ANAPC10: variants seen among roughly 807,000 people sequenced by gnomAD.
ANAPC10 encodes anaphase-promoting complex subunit 10.
ANAPC10 carries 12 observed loss-of-function variants against 22.0 expected under a neutral mutation model. The observed-to-expected ratio is 0.55, with a 90% CI of 0.35 to 0.88. ANAPC10 has a LOEUF of 0.88. Among genes scored for constraint, ANAPC10 ranks in the 40% least tolerant of loss-of-function variants. ANAPC10 has a pLI of 0.01. For missense variants in ANAPC10, 188 were observed against 220.9 expected (o/e 0.85, Z 0.94); for synonymous variants, 65 against 69.5 (o/e 0.94, Z 0.32).
At chr4:144,999,010 A>G (rs1732079997) in intron 4 of ANAPC10, among the ~76,000 whole-genome samples, 1 of 152,186 alleles carries the variant, frequency 6.6e-6, no homozygotes, top group Non-Finnish European at 1.5e-5. Flanking sequence ...AAACTAGAAA[A>G]TCTACAAGAA....
At chr4:145,007,957 AAAGAG>A (rs1733681754) in intron 4 of ANAPC10, among the ~76,000 whole-genome samples, 1 of 152,198 alleles carries the variant, frequency 6.6e-6, no homozygotes, top group African/African-American at 2.4e-5. Flanking sequence ...ATAAAGAAGA[AAAGAG>A]AAAAGAATCA....
intron 3 of ANAPC10, among the ~76,000 whole-genome samples, chr4:145,077,887 C>T (rs1161301689): frequency 1.3e-5 from 2 of 152,002 alleles, no homozygotes; most frequent in Non-Finnish European, 2.9e-5. Flanking sequence ...ATAATAAGGG[C>T]CATCTATGAC....
intron 4 of ANAPC10, among the ~76,000 whole-genome samples, chr4:145,025,919 C>T (rs568838742): frequency 2.0e-5 from 3 of 152,130 alleles, no homozygotes; most frequent in African/African-American, 7.2e-5. Context: ...GGTTTCCTTT[C>T]CCACTCTTAT....
At chr4:145,026,427 A>G (rs1376070262) in intron 4 of ANAPC10, among the ~76,000 whole-genome samples, 1 of 152,196 alleles carries the variant, frequency 6.6e-6, no homozygotes, top group Non-Finnish European at 1.5e-5. Flanking sequence ...GGAAAAAAAC[A>G]GAGCAGGAAA....
intron 4 of ANAPC10, among the ~76,000 whole-genome samples, chr4:145,004,453 A>G (rs1226659992): frequency 6.6e-6 from 1 of 152,162 alleles, no homozygotes; most frequent in Non-Finnish European, 1.5e-5. Context: ...GCTTTTGCCC[A>G]TTCAGTATGA....
At chr4:145,096,373 C>T (rs1297136402) in intron 1 of ANAPC10, among the ~76,000 whole-genome samples, 3 of 152,028 alleles carry the variant, frequency 2.0e-5, no homozygotes, top group Non-Finnish European at 4.4e-5. Context: ...GCCTGGACAA[C>T]ATGGCAAGAC....
chr4:144,995,699 T>G, intron 4 of ANAPC10, 96 bp from the exon 5 acceptor site: 1 of 849,896 alleles, frequency 1.2e-6, no homozygotes, highest in Non-Finnish European at 1.8e-6. Flanking sequence ...ATAATTAACA[T>G]TTTGCTCAAC....
At chr4:145,054,632 TGTGTGTGTGCGCGCGC>T (rs1237148275) in intron 4 of ANAPC10, among the ~76,000 whole-genome samples, 9 of 110,040 alleles carry the variant, frequency 8.2e-5, no homozygotes, top group African/African-American at 3.4e-4. Context: ...TGTGTGTGTG[TGTGTGTGTGCGCGCGC>T]GCGCGCGTGC....
chr4:145,069,206 TGAGA>T (rs1370548160), intron 3 of ANAPC10, among the ~76,000 whole-genome samples: 1 of 152,164 alleles, frequency 6.6e-6, no homozygotes, highest in Non-Finnish European at 1.5e-5. Flanking sequence ...CTCTAGGTCC[TGAGA>T]GAAAGAAAAT....
intron 3 of ANAPC10, among the ~76,000 whole-genome samples, chr4:145,079,366 C>CA (rs758819094): frequency 7.4e-5 from 11 of 148,636 alleles, no homozygotes; most frequent in South Asian, 4.3e-4. Flanking sequence ...ACTAAAAAGT[C>CA]AAAAAAAAAT....
intron 2 of ANAPC10, among the ~76,000 whole-genome samples, chr4:145,093,947 T>A (rs777182077): frequency 6.6e-6 from 1 of 152,194 alleles, no homozygotes; most frequent in Non-Finnish European, 1.5e-5. Flanking sequence ...GGACACAATG[T>A]CTTTTACAAC....
intron 2 of ANAPC10, among the ~76,000 whole-genome samples, chr4:145,094,285 G>A (rs1214000354): frequency 1.3e-5 from 2 of 152,148 alleles, no homozygotes; most frequent in South Asian, 2.1e-4. Context: ...TGGGAAAGGC[G>A]AAACCAAAGG....
At chr4:145,035,123 T>C (rs1313461200) in intron 4 of ANAPC10, 2 of 152,202 alleles carry the variant, frequency 1.3e-5, no homozygotes, top group African/African-American at 4.8e-5. Flanking sequence ...ATGCAAGATT[T>C]GGAAAGCAGG....
intron 4 of ANAPC10, chr4:144,999,248 C>G (rs1732125137): frequency 6.4e-6 from 1 of 155,076 alleles, no homozygotes; most frequent in African/African-American, 2.4e-5. Flanking sequence ...AAGAGGGAAT[C>G]CTCCCTACCT....
intron 4 of ANAPC10, among the ~76,000 whole-genome samples, chr4:145,057,340 G>A (rs934665068): frequency 6.6e-6 from 1 of 152,066 alleles, no homozygotes; most frequent in Non-Finnish European, 1.5e-5. Flanking sequence ...TGAAATACAG[G>A]AAGTGTTTCA....
At chr4:145,010,371 C>A (rs1734103890) in intron 4 of ANAPC10, among the ~76,000 whole-genome samples, 1 of 152,118 alleles carries the variant, frequency 6.6e-6, no homozygotes, top group Non-Finnish European at 1.5e-5. Flanking sequence ...GACACACGCA[C>A]ACTTATGTTT....
At position 144,995,552 on chromosome 4, in the gene ANAPC10, T is replaced by G. The variant is rs769201897; in HGVS notation, c.379A>C (p.Asn127His). Residue 127 changes from asparagine (N) to histidine (H), a missense_variant, in exon 5 of 5, where the codon AAT becomes CAT. Transcript: ENST00000507656. ...AATGTACGAGTTGGCTTCTTATGAT[T>G]GTCAGTTAAGGGAACATGAATCCAG... ...SGWIHVPLTD[N>H]HKKPTRTFMI... The G allele has an allele frequency of 6.2e-6, 10 of 1,613,830 alleles. No individual in the cohort carries two copies. In the South Asian group the frequency reaches 1.1e-4, roughly 18 times the overall value.
At chr4:145,012,382 T>C (rs1416092340) in intron 4 of ANAPC10, among the ~76,000 whole-genome samples, 1 of 151,574 alleles carries the variant, frequency 6.6e-6, no homozygotes, top group Admixed American at 6.6e-5. Flanking sequence ...TGTCTGACAA[T>C]CAGAAATGAC....
At position 145,064,552 on chromosome 4, in the gene ANAPC10, T is replaced by A; in HGVS notation, c.327+20A>T. ...TAAAAGTTAAAGGATGACATATTTT[T>A]AAAAATTTGAAAGACATACCCGAAT... On this transcript the variant is annotated intron_variant, in intron 4 of 4. Transcript: ENST00000507656. 2 of 1,589,338 alleles carry A rather than the reference T, an allele frequency of 1.3e-6. No homozygotes were observed. The highest frequency in any genetic ancestry group is 1.7e-6 in the Non-Finnish European group (2 of 1,165,362).
Sources: allele counts gnomAD v4.1 joint callset (sites outside exome capture counted in the v4.1 genomes callset), GRCh38; gene constraint gnomAD v4.1.1; transcripts MANE v1.5; gene names NCBI Gene and HGNC (gene_info 2026-07-23, HGNC 2026-07-21).